MAP3K9: variants seen among roughly 807,000 people sequenced by gnomAD.
MAP3K9 encodes mixed lineage kinase 1 (tyr and ser/thr specificity).
In MAP3K9, 46 loss-of-function variants were observed where a neutral mutation model predicts 95.8. That is an observed-to-expected ratio of 0.48 (90% CI 0.38 to 0.61). MAP3K9 has a LOEUF of 0.61. Ranked by LOEUF, MAP3K9 falls within the 20% of genes least tolerant of loss-of-function variation. The pLI is 0.00. For missense variants in MAP3K9, 1,296 were observed against 1,474.3 expected (o/e 0.88, Z 1.98); for synonymous variants, 533 against 593.8 (o/e 0.90, Z 1.49).
Position 70,733,362 on chromosome 14 carries a change from G to T in MAP3K9, c.2027-20C>A. On this transcript the variant is annotated intron_variant, in intron 10 of 11. Coordinates refer to ENST00000554752, the MANE Select transcript of MAP3K9 (RefSeq NM_001284230.2). The stretch of plus-strand genomic sequence containing the variant: ...CATCCTCTGTGAAGATGACAAGAGT[G>T]GAAGAGAAACAGGAAATGGAAATGA... 9.2e-7 allele frequency: 1 copy of T among 1,092,084 alleles called. No individual in the cohort carries two copies. 67.6% of individuals were successfully genotyped at this position (1,092,084 alleles called of 1,614,324 possible).
intron 1 of MAP3K9, among the ~76,000 whole-genome samples, chr14:70,802,627 T>A (rs1019769807): frequency 2.0e-5 from 3 of 152,228 alleles, no homozygotes; most frequent in African/African-American, 7.2e-5. Flanking sequence ...AGTTTCATAG[T>A]GGAACTTCTC....
intron 3 of MAP3K9, among the ~76,000 whole-genome samples, chr14:70,757,952 G>A (rs963197450): frequency 1.3e-5 from 2 of 151,966 alleles, no homozygotes; most frequent in Non-Finnish European, 2.9e-5. Flanking sequence ...AAAACTCTTA[G>A]AAAAAAATAT....
At chr14:70,749,763 G>T (rs2054199865) in intron 4 of MAP3K9, 170 bp downstream of exon 4, 1 of 685,852 alleles carries the variant, frequency 1.5e-6, no homozygotes, top group Non-Finnish European at 2.4e-6. Context: ...GCAGCAGGGT[G>T]TGGATGTCAT....
chr14:70,803,240 T>C (rs1279043627), intron 1 of MAP3K9, among the ~76,000 whole-genome samples: 1 of 151,660 alleles, frequency 6.6e-6, no homozygotes, highest in Non-Finnish European at 1.5e-5. Context: ...TTAAACTTTT[T>C]TTCTTTATAA....
Position 70,726,414 on chromosome 14 carries a change from A to T in MAP3K9, c.*3966T>A, listed in dbSNP as rs772236153. On this transcript the variant is annotated 3_prime_UTR_variant, in exon 12 of 12. Transcript: ENST00000554752. ...CTGGGATGATCCCAGGCTCTAAACA[A>T]ATCAGACTGATGACCCCAAGAAATG... 1 of 152,216 alleles carries T rather than the reference A, an allele frequency of 6.6e-6. No individual in the cohort carries two copies. Among genetic ancestry groups the T allele is most frequent in the Non-Finnish European group, 1.5e-5 (1 of 68,042 alleles). The allele number at this position is 152,216 out of a possible 1,614,324, so 9.4% of individuals were successfully genotyped here. A position where few individuals can be genotyped will look rare whatever the true frequency, so the allele number is the denominator to read the frequency against.
Position 70,725,343 on chromosome 14 carries a change from C to T in MAP3K9, c.*5037G>A, listed in dbSNP as rs2053806299. 2 of 152,250 alleles carry T rather than the reference C, an allele frequency of 1.3e-5. No homozygotes were observed. The highest frequency in any genetic ancestry group is 2.4e-5 in the African/African-American group (1 of 41,442). 9.4% of individuals were successfully genotyped at this position (152,250 alleles called of 1,614,324 possible). A position where few individuals can be genotyped will look rare whatever the true frequency, so the allele number is the denominator to read the frequency against. On this transcript the variant is annotated 3_prime_UTR_variant, in exon 12 of 12. Coordinates refer to ENST00000554752, the MANE Select transcript of MAP3K9 (RefSeq NM_001284230.2). ...TGAGGAAGCGGGTGGACATGACTGTCAATATCTCATCAGGACAAAATGAGA... is the reference window on the plus strand; with the variant it reads ...TGAGGAAGCGGGTGGACATGACTGTTAATATCTCATCAGGACAAAATGAGA...
At chr14:70,746,705 T>C (rs1456646009) in intron 5 of MAP3K9, among the ~76,000 whole-genome samples, 1 of 152,244 alleles carries the variant, frequency 6.6e-6, no homozygotes, top group African/African-American at 2.4e-5. Flanking sequence ...AGATAATTCA[T>C]AGAAAGTATA....
intron 1 of MAP3K9, among the ~76,000 whole-genome samples, chr14:70,807,832 AAAG>A (rs886505694): frequency 1.2e-4 from 19 of 152,332 alleles, no homozygotes; most frequent in African/African-American, 3.1e-4. Context: ...CTTGAAAAAA[AAAG>A]AAGATTTCAT....
chr14:70,809,080 T>C lies in MAP3K9; in HGVS notation c.92A>G (p.Glu31Gly), dbSNP rs1294715594. The C allele has an allele frequency of 5.6e-6, 8 of 1,429,016 alleles. No individual in the cohort carries two copies. The highest frequency in any genetic ancestry group is 7.3e-6 in the Non-Finnish European group (8 of 1,098,488). The allele number at this position is 1,429,016 out of a possible 1,614,324, so 88.5% of individuals were successfully genotyped here. ...CGCCTCCTCCTCCTCCTCCTCCTCC[T>C]CCTCGGCCCCGGCCCCTGCTCCATC... ...GEDGAGAGAE[E>G]EEEEEEEAAA... The change falls in exon 1 of 12, where the codon GAG becomes GGG. Residue 31 changes from glutamate (E) to glycine (G), a missense_variant. Around this residue, in one of 5 missense-constraint regions of MAP3K9, gnomAD observed 338 missense variants for 363.4 expected, o/e 0.93. Coordinates refer to ENST00000554752, the MANE Select transcript of MAP3K9 (RefSeq NM_001284230.2).
chr14:70,791,201 C>T (rs1377361380), intron 2 of MAP3K9, among the ~76,000 whole-genome samples: 2 of 152,190 alleles, frequency 1.3e-5, no homozygotes, highest in South Asian at 2.1e-4. Flanking sequence ...AGACCCCACA[C>T]GCCTTTCAAA....
chr14:70,785,462 A>G (rs774059612), intron 2 of MAP3K9, among the ~76,000 whole-genome samples: 100 of 152,226 alleles, frequency 6.6e-4, no homozygotes, highest in Non-Finnish European at 1.2e-3. Context: ...ATACTATAAG[A>G]AAAGTTTTAT....
intron 2 of MAP3K9, among the ~76,000 whole-genome samples, chr14:70,767,947 T>C (rs1548584): frequency 0.23 from 34,499 of 152,086 alleles, 4,222 homozygotes; most frequent in South Asian, 0.38. Context: ...ATTACAGAAG[T>C]GAGCCACTGT....
In MAP3K9 at chr14:70,734,509, G is replaced by A. The variant is rs1418437342; in HGVS notation, c.1914-11C>T. 2 of 1,480,976 alleles carry A rather than the reference G, an allele frequency of 1.4e-6. No homozygotes were observed. Among genetic ancestry groups the A allele is most frequent in the South Asian group, 2.3e-5 (2 of 87,236 alleles). 91.7% of individuals were successfully genotyped at this position (1,480,976 alleles called of 1,614,324 possible). Reference sequence around the variant, plus strand: ...ACCAGGGACTTGAGGCTGAATCAGAGGAAAAGAGGAAACTGTCAGAACTGG... The same window carrying A: ...ACCAGGGACTTGAGGCTGAATCAGAAGAAAAGAGGAAACTGTCAGAACTGG... On this transcript the variant is annotated splice_polypyrimidine_tract_variant and intron_variant, in intron 9 of 11. Transcript: ENST00000554752.
intron 9 of MAP3K9, 111 bp from the exon 10 acceptor site, chr14:70,734,609 G>C (rs923993396): frequency 1.2e-5 from 8 of 669,886 alleles, no homozygotes; most frequent in Non-Finnish European, 1.9e-5. Context: ...TTCTACCAAA[G>C]AACCTTGGAG....
rs1465848332 is a variant in MAP3K9 at position 70,723,150 on chromosome 14, A to C, written c.*7230T>G. On this transcript the variant is annotated 3_prime_UTR_variant, in exon 12 of 12. Transcript: ENST00000554752. ...AAAGGCATGTGGCTCAATGTGACAA[A>C]AAGGCAAAAGCCTGACCTCAAGTGC... The C allele has an allele frequency of 1.3e-5, 2 of 152,210 alleles. No individual in the cohort carries two copies. Among genetic ancestry groups the C allele is most frequent in the Admixed American group, 6.6e-5 (1 of 15,266 alleles). The allele number at this position is 152,210 out of a possible 1,614,324, so 9.4% of individuals were successfully genotyped here. A position where few individuals can be genotyped will look rare whatever the true frequency, so the allele number is the denominator to read the frequency against.
At chr14:70,785,787 T>C (rs922273152) in intron 2 of MAP3K9, among the ~76,000 whole-genome samples, 1 of 152,156 alleles carries the variant, frequency 6.6e-6, no homozygotes, top group African/African-American at 2.4e-5. Flanking sequence ...GTGATTCACA[T>C]CCCACACAAG....
intron 2 of MAP3K9, among the ~76,000 whole-genome samples, chr14:70,772,850 A>G (rs555169447): frequency 2.6e-5 from 4 of 152,336 alleles, no homozygotes; most frequent in African/African-American, 9.6e-5. Flanking sequence ...AACTATGCCC[A>G]CTTTCAGATA....
chr14:70,769,915 G>A (rs576111297), intron 2 of MAP3K9, among the ~76,000 whole-genome samples: 6 of 152,326 alleles, frequency 3.9e-5, no homozygotes, highest in African/African-American at 1.4e-4. Context: ...CTTATTGTTT[G>A]TGTGGAGGGT....
intron 2 of MAP3K9, among the ~76,000 whole-genome samples, chr14:70,798,607 TA>T (rs1354137235): frequency 6.8e-6 from 1 of 147,388 alleles, no homozygotes; most frequent in African/African-American, 2.5e-5. Flanking sequence ...GCCTCCCAAG[TA>T]GCTGGGACTA....
Sources: gnomAD v4.1 joint callset for allele counts (sites outside exome capture counted in the v4.1 genomes callset) on GRCh38, gnomAD v4.1.1 for gene constraint, gnomAD v4.1.1 regional missense constraint, MANE v1.5 for transcripts, NCBI Gene and HGNC (gene_info 2026-07-23, HGNC 2026-07-21) for gene names.